PKD2: variants seen among roughly 807,000 people sequenced by gnomAD.
PKD2 encodes polycystin 2, transient receptor potential cation channel, also known as polycystin-2.
A neutral mutation model predicts 105.9 loss-of-function variants in PKD2; 48 were observed. The ratio of observed to expected loss-of-function variants is 0.45; its 90% confidence interval spans 0.36 to 0.58. The LOEUF (loss-of-function observed/expected upper bound fraction) is 0.58. Among genes scored for constraint, PKD2 ranks in the 20% least tolerant of loss-of-function variants. The pLI, the probability that PKD2 is intolerant of heterozygous loss-of-function variation, is 0.00. For missense variants in PKD2, 1,078 were observed against 1,255.3 expected (o/e 0.86, Z 2.13); for synonymous variants, 464 against 481.1 (o/e 0.96, Z 0.46).
At chr4:88,071,046 T>G (rs1023761735) in intron 13 of PKD2, among the ~76,000 whole-genome samples, 1 of 149,698 alleles carries the variant, frequency 6.7e-6, no homozygotes, top group African/African-American at 2.6e-5. Context: ...GATGAGACAA[T>G]GTCATCATAA....
At chr4:88,047,152 G>A (rs1305538377) in intron 6 of PKD2, among the ~76,000 whole-genome samples, 2 of 149,386 alleles carry the variant, frequency 1.3e-5, no homozygotes, top group South Asian at 2.1e-4. Context: ...GAGATGTGGA[G>A]GAGAAAACAG....
chr4:88,032,953 G>C (rs1250508536), intron 2 of PKD2, among the ~76,000 whole-genome samples: 2 of 152,104 alleles, frequency 1.3e-5, no homozygotes, highest in African/African-American at 4.8e-5. Context: ...CAGGATGGAG[G>C]CAAGCTGAAA....
intron 6 of PKD2, among the ~76,000 whole-genome samples, chr4:88,048,395 A>T (rs980024076): frequency 6.6e-6 from 1 of 152,200 alleles, no homozygotes; most frequent in African/African-American, 2.4e-5. Flanking sequence ...TATATTATTC[A>T]TATGTGAGTG....
rs560652663 is a variant in PKD2 at position 88,025,319 on chromosome 4, A to G, written c.709+5748A>G. 7.9e-5 allele frequency among the ~76,000 whole-genome samples: 12 copies of G among 152,158 alleles called. No homozygotes were observed. In the East Asian group the frequency reaches 1.7e-3, roughly 22 times the overall value. On this transcript the variant is annotated intron_variant, in intron 2 of 14. Coordinates refer to ENST00000237596, the MANE Select transcript of PKD2 (RefSeq NM_000297.4). ...TTAAAAATTTTAAAATTAGCCAGGC[A>G]TGGTGACGCACACCTGTAGTCCCAA... is the stretch of plus-strand genomic sequence containing the variant.
chr4:88,019,740 T>C (rs2110089425), intron 2 of PKD2, among the ~76,000 whole-genome samples, 169 bp downstream of exon 2: 1 of 152,358 alleles, frequency 6.6e-6, no homozygotes, highest in African/African-American at 2.4e-5. Flanking sequence ...TTATTGACTA[T>C]CTTCCTATGG....
chr4:88,050,596 A>G (rs992854248), intron 6 of PKD2, among the ~76,000 whole-genome samples: 3 of 152,190 alleles, frequency 2.0e-5, no homozygotes, highest in African/African-American at 7.2e-5. Context: ...TGCAGAGTAA[A>G]AACAACTGGA....
chr4:88,013,425 A>T (rs1726450920), intron 1 of PKD2, among the ~76,000 whole-genome samples: 1 of 152,222 alleles, frequency 6.6e-6, no homozygotes, highest in African/African-American at 2.4e-5. Flanking sequence ...CAAAGAGAGG[A>T]TAAGGCCAGG....
rs186838450 is a variant in PKD2 at position 88,021,340 on chromosome 4, A to T, written c.709+1769A>T. ...AGATGTAGTGATAAATTTGGAAGGT[A>T]AGTCAGAGAAGTAAGCTGAAGACAG... On this transcript the variant is annotated intron_variant, in intron 2 of 14. Transcript: ENST00000237596. Among the ~76,000 whole-genome samples the T allele has an allele frequency of 2.4e-3, 369 of 152,324 alleles. 3 individuals carry two copies. Among genetic ancestry groups the T allele is most frequent in the African/African-American group, 8.5e-3 (354 of 41,570 alleles).
chr4:88,065,596 T>A (rs1269270726), intron 11 of PKD2, 101 bp downstream of exon 11: 1 of 1,249,770 alleles, frequency 8.0e-7, no homozygotes, highest in African/African-American at 1.5e-5. Context: ...ACAGATACTT[T>A]TTTTTTTTTT....
At position 88,008,273 on chromosome 4, in the gene PKD2, G is replaced by T; in HGVS notation, c.540G>T (p.Leu180=). The part of the protein sequence containing the change: ...GGDPLHRHLP[L]EGQPPRVAWA... ...ACCCGCTGCATCGCCACCTCCCCCT[G>T]GAAGGGCAGCCGCCCCGAGTGGCCT... is the stretch of plus-strand genomic sequence containing the variant. Residue 180 remains leucine (L), a synonymous_variant, in exon 1 of 15, where the codon CTG becomes CTT. Coordinates refer to ENST00000237596, the MANE Select transcript of PKD2 (RefSeq NM_000297.4). 1 of 1,475,826 alleles carries T rather than the reference G, an allele frequency of 6.8e-7. No individual in the cohort carries two copies. The highest frequency in any genetic ancestry group is 2.3e-5 in the Admixed American group (1 of 43,764). 91.4% of individuals were successfully genotyped at this position (1,475,826 alleles called of 1,614,324 possible).
chr4:88,043,408 A>G lies in PKD2; in HGVS notation c.1270A>G (p.Ile424Val). 1 of 1,614,032 alleles carries G rather than the reference A, an allele frequency of 6.2e-7. No homozygotes were observed. The highest frequency in any genetic ancestry group is 1.1e-5 in the South Asian group (1 of 91,082). ...WLDRGTRATF[I>V]DFSVYNANIN... is the part of the protein sequence containing the mutation. ...GGACCGAGGAACCAGGGCAACTTTT[A>G]TTGACTTCTCAGTGTACAACGCCAA... The change falls in exon 5 of 15, where the codon ATT becomes GTT. Residue 424 changes from isoleucine (I) to valine (V), a missense_variant. This residue lies in a region of PKD2 where 868 missense variants were observed against 1,067.3 expected (regional missense o/e 0.81). Coordinates refer to ENST00000237596, the MANE Select transcript of PKD2 (RefSeq NM_000297.4).
intron 1 of PKD2, among the ~76,000 whole-genome samples, chr4:88,010,331 ATT>A (rs1177970405): frequency 6.6e-6 from 1 of 152,234 alleles, no homozygotes; most frequent in East Asian, 1.9e-4. Flanking sequence ...TATAATTGAT[ATT>A]CTTGTCACTT....
intron 5 of PKD2, among the ~76,000 whole-genome samples, chr4:88,044,294 A>G (rs1268725351): frequency 1.3e-5 from 2 of 152,186 alleles, no homozygotes; most frequent in African/African-American, 4.8e-5. Context: ...GAGTTCACCC[A>G]CTTTAATCTT....
At chr4:88,017,303 T>C (rs930125428) in intron 1 of PKD2, among the ~76,000 whole-genome samples, 5 of 152,172 alleles carry the variant, frequency 3.3e-5, no homozygotes, top group African/African-American at 1.2e-4. Context: ...CATACATACA[T>C]ACATACGTAC....
At chr4:88,014,578 G>A (rs1726498163) in intron 1 of PKD2, among the ~76,000 whole-genome samples, 1 of 151,858 alleles carries the variant, frequency 6.6e-6, no homozygotes, top group South Asian at 2.1e-4. Context: ...TAGATAAAAA[G>A]CCACTTCCCT....
intron 8 of PKD2, 59 bp from the exon 9 acceptor site, chr4:88,057,924 G>C: frequency 7.7e-7 from 1 of 1,290,602 alleles, no homozygotes; most frequent in Non-Finnish European, 1.1e-6. Flanking sequence ...AAGAAATGTT[G>C]CATCAACTAG....
chr4:88,008,427 G>A, intron 1 of PKD2, 99 bp downstream of exon 1: 4 of 1,397,854 alleles, frequency 2.9e-6, no homozygotes, highest in Non-Finnish European at 3.8e-6. Flanking sequence ...GCTCCATCTC[G>A]CATCCCCTCT....
At chr4:88,043,540 G>C (rs1238563828) in intron 5 of PKD2, 83 bp downstream of exon 5, 2 of 1,003,938 alleles carry the variant, frequency 2.0e-6, no homozygotes, top group Non-Finnish European at 3.1e-6. Context: ...AAAAACCTTT[G>C]CCTGCAGTTA....
intron 2 of PKD2, among the ~76,000 whole-genome samples, chr4:88,021,304 A>G (rs1726739266): frequency 6.6e-6 from 1 of 152,240 alleles, no homozygotes. Flanking sequence ...AGCCTAGAGA[A>G]ACGAGTTTTC....
Sources: allele counts gnomAD v4.1 joint callset (sites outside exome capture counted in the v4.1 genomes callset), GRCh38; gene constraint gnomAD v4.1.1; regional missense constraint gnomAD v4.1.1; transcripts MANE v1.5; gene names NCBI Gene and HGNC (gene_info 2026-07-23, HGNC 2026-07-21).